LEKR1: variants seen among roughly 807,000 people sequenced by gnomAD.
The protein encoded by LEKR1 is leucine, glutamate and lysine rich 1, also known as protein LEKR1.
Under a neutral mutation model 72.4 loss-of-function variants are expected in LEKR1, and 59 were observed. The ratio of observed to expected loss-of-function variants is 0.82; its 90% CI spans 0.66 to 1.01. The LOEUF is 1.01. Among genes scored for constraint, LEKR1 ranks in the 50% least tolerant of loss-of-function variants. The pLI is 0.00. For missense variants in LEKR1, 728 were observed against 759.2 expected, an observed-to-expected ratio of 0.96 and a Z score of 0.48; for synonymous variants, 257 against 263.2, an observed-to-expected ratio of 0.98 and a Z score of 0.23.
At chr3:156,873,383 T>C (rs1718189935) in intron 3 of LEKR1, among the ~76,000 whole-genome samples, 1 of 151,990 alleles carries the variant, frequency 6.6e-6, no homozygotes, top group Non-Finnish European at 1.5e-5. Flanking sequence ...CAGTCCATAT[T>C]TTTTAAAGGG....
chr3:156,850,545 G>T (rs991804377), intron 2 of LEKR1, among the ~76,000 whole-genome samples: 2 of 152,146 alleles, frequency 1.3e-5, no homozygotes, highest in Admixed American at 6.6e-5. Context: ...CCTCATCTCA[G>T]CTTCTGTCTC....
intron 12 of LEKR1, among the ~76,000 whole-genome samples, chr3:157,039,364 T>TA (rs764342645): frequency 1.1e-4 from 17 of 152,242 alleles, no homozygotes; most frequent in Non-Finnish European, 2.4e-4. Context: ...CTCACGCCTA[T>TA]AACCCAGCAT....
chr3:156,938,709 ATTTAT>A (rs749736036), intron 5 of LEKR1, among the ~76,000 whole-genome samples: 13 of 152,094 alleles, frequency 8.5e-5, no homozygotes, highest in Non-Finnish European at 1.6e-4. Context: ...AGTTTTTTTT[ATTTAT>A]TTAGTAAATC....
At chr3:156,954,679 T>G (rs1475214466) in intron 6 of LEKR1, among the ~76,000 whole-genome samples, 4 of 152,070 alleles carry the variant, frequency 2.6e-5, no homozygotes, top group Admixed American at 2.6e-4. Flanking sequence ...GTGTGCTGTC[T>G]TATTTCTGAG....
At chr3:156,838,887 C>G (rs376966567) in intron 2 of LEKR1, among the ~76,000 whole-genome samples, 1 of 152,132 alleles carries the variant, frequency 6.6e-6, no homozygotes, top group African/African-American at 2.4e-5. Context: ...TGAAATCAAG[C>G]CACTGAGACC....
At chr3:156,975,516 A>T (rs1337629465) in intron 6 of LEKR1, among the ~76,000 whole-genome samples, 1 of 152,166 alleles carries the variant, frequency 6.6e-6, no homozygotes, top group South Asian at 2.1e-4. Flanking sequence ...TACTAACTTA[A>T]TGTGCCCTCC....
intron 12 of LEKR1, among the ~76,000 whole-genome samples, chr3:157,031,589 G>A (rs765024900): frequency 6.6e-6 from 1 of 152,206 alleles, no homozygotes; most frequent in Middle Eastern, 3.4e-3. Flanking sequence ...TAGGATTTAT[G>A]AGCCAAAAAG....
chr3:157,033,923 C>T (rs1008193108), intron 12 of LEKR1, among the ~76,000 whole-genome samples: 2 of 152,224 alleles, frequency 1.3e-5, no homozygotes, highest in African/African-American at 4.8e-5. Flanking sequence ...TCCTAACACC[C>T]TTAAGAATTA....
intron 11 of LEKR1, among the ~76,000 whole-genome samples, chr3:157,026,121 A>C (rs1734168292): frequency 6.6e-6 from 1 of 151,976 alleles, no homozygotes; most frequent in Non-Finnish European, 1.5e-5. Flanking sequence ...CTACTGTGGC[A>C]ATGGAGCATG....
At chr3:156,899,374 A>G (rs183430241) in intron 3 of LEKR1, among the ~76,000 whole-genome samples, 15 of 111,846 alleles carry the variant, frequency 1.3e-4, no homozygotes, top group South Asian at 2.6e-4. Flanking sequence ...ATATATACAT[A>G]TATACACATA....
intron 6 of LEKR1, among the ~76,000 whole-genome samples, chr3:156,951,349 T>C (rs1352654319): frequency 1.3e-5 from 2 of 151,746 alleles, no homozygotes; most frequent in African/African-American, 4.8e-5. Context: ...TGCCAGGTCT[T>C]GGTATCAGGA....
intron 3 of LEKR1, among the ~76,000 whole-genome samples, chr3:156,913,386 G>A (rs1470886552): frequency 2.6e-5 from 4 of 151,974 alleles, no homozygotes; most frequent in Non-Finnish European, 4.4e-5. Context: ...CTTTTTCTGT[G>A]GCTATTGTAA....
At chr3:156,899,417 C>T (rs190858944) in intron 3 of LEKR1, among the ~76,000 whole-genome samples, 2 of 66,204 alleles carry the variant, frequency 3.0e-5, no homozygotes, top group African/African-American at 7.0e-5. Context: ...TACATATATA[C>T]ACATATATAC....
intron 12 of LEKR1, among the ~76,000 whole-genome samples, chr3:157,043,138 C>G (rs1735491943): frequency 6.6e-6 from 1 of 152,148 alleles, no homozygotes; most frequent in South Asian, 2.1e-4. Flanking sequence ...CATCATTATC[C>G]CTTTGCCTTC....
At chr3:157,028,538 G>A (rs1200377501) in intron 12 of LEKR1, 136 bp downstream of exon 12, 2 of 726,950 alleles carry the variant, frequency 2.8e-6, no homozygotes, top group East Asian at 5.5e-5. Flanking sequence ...ATCACATCCT[G>A]GTGCTCTGTC....
chr3:156,888,268 A>C, intron 3 of LEKR1: 1 of 696,980 alleles, frequency 1.4e-6, no homozygotes, highest in South Asian at 1.5e-5. Flanking sequence ...GTTGATATAA[A>C]TCGTAATGTT....
At chr3:156,950,379 C>T (rs1366436851) in intron 6 of LEKR1, among the ~76,000 whole-genome samples, 1 of 151,342 alleles carries the variant, frequency 6.6e-6, no homozygotes, top group Non-Finnish European at 1.5e-5. Context: ...TGAAAAATGT[C>T]ATTGATAGTT....
chr3:156,885,075 G>T lies in LEKR1; in HGVS notation c.263+32093G>T, dbSNP rs574583712. Among the ~76,000 whole-genome samples, 7 of 152,122 alleles carry T rather than the reference G, an allele frequency of 4.6e-5. No individual in the cohort carries two copies. The South Asian group carries it at 1.5e-3, about 32-fold the overall frequency. On this transcript the variant is annotated intron_variant, in intron 3 of 12. Coordinates refer to ENST00000356539, the MANE Select transcript of LEKR1 (RefSeq NM_001004316.3). Reference sequence around the variant, plus strand: ...CTTCTACTTGTTCTAGTCTATTGTTGAAACTTTACAGGGCATTTTGTATTT... The same window carrying T: ...CTTCTACTTGTTCTAGTCTATTGTTTAAACTTTACAGGGCATTTTGTATTT...
At chr3:157,033,709 A>G (rs1734778607) in intron 12 of LEKR1, among the ~76,000 whole-genome samples, 1 of 152,312 alleles carries the variant, frequency 6.6e-6, no homozygotes, top group East Asian at 1.9e-4. Context: ...TGAGGTAGCT[A>G]CATTAAACAA....
Sources: gnomAD v4.1 joint callset for allele counts (sites outside exome capture counted in the v4.1 genomes callset) on GRCh38, gnomAD v4.1.1 for gene constraint, MANE v1.5 for transcripts, NCBI Gene and HGNC (gene_info 2026-07-23, HGNC 2026-07-21) for gene names.